Variants in XKR9 observed in about 807,000 individuals in gnomAD.
XKR9 encodes XK-related protein 9.
Under a neutral mutation model 32.0 loss-of-function variants are expected in XKR9, and 32 were observed. The observed-to-expected ratio is 1.00, with a 90% CI of 0.76 to 1.34. The LOEUF is 1.34. Among genes scored for constraint, XKR9 ranks in the 40% most tolerant of loss-of-function variants. The pLI, the probability that XKR9 is intolerant of heterozygous loss-of-function variation, is 0.00. For synonymous variants in XKR9, 168 were observed against 143.4 expected (o/e 1.17, Z -1.22); for missense variants, 546 against 429.7 (o/e 1.27, Z -2.39).
chr8:70,862,915 C>T, the XKR9 span, among the ~76,000 whole-genome samples: 1 of 152,198 alleles, frequency 6.6e-6, no homozygotes, highest in Non-Finnish European at 1.5e-5. Context: ...GGCACTTGAG[C>T]TGAGATCTGG....
the XKR9 span, among the ~76,000 whole-genome samples, chr8:70,813,580 C>G: frequency 6.6e-6 from 1 of 151,912 alleles, no homozygotes; most frequent in African/African-American, 2.4e-5. Context: ...ACAATGAACT[C>G]AAACAAATTT....
chr8:70,926,431 T>C, the XKR9 span, among the ~76,000 whole-genome samples: 2 of 152,264 alleles, frequency 1.3e-5, no homozygotes, highest in East Asian at 3.8e-4. Context: ...TGAGAAGTTC[T>C]GCATTGAAAA....
At chr8:70,778,137 G>C (rs1483508917) in intron 2 of XKR9, among the ~76,000 whole-genome samples, 2 of 152,174 alleles carry the variant, frequency 1.3e-5, no homozygotes, top group Non-Finnish European at 2.9e-5. Context: ...TGTATAAGGT[G>C]TAAGGAAGGG....
At chr8:70,743,728 C>T (rs1807019594) in intron 2 of XKR9, among the ~76,000 whole-genome samples, 2 of 152,124 alleles carry the variant, frequency 1.3e-5, no homozygotes, top group African/African-American at 2.4e-5. Flanking sequence ...TTTTCCACCT[C>T]ATTTTTCAGC....
At position 70,763,390 on chromosome 8, in the gene XKR9, G is replaced by A. The variant is rs73684547; in HGVS notation, n.353-25949G>A. Among the ~76,000 whole-genome samples the A allele has an allele frequency of 9.0e-3, 1,372 of 152,222 alleles. 19 individuals carry two copies. Among genetic ancestry groups the A allele is most frequent in the African/African-American group, 0.031 (1,308 of 41,540 alleles). ...GCTAACTTTTTTCAGATAACTCTAA[G>A]GTGTCTGTGAGTTGATGTTCTGCTG... On this transcript the variant is annotated intron_variant and non_coding_transcript_variant, in intron 2 of 3. Coordinates refer to the XKR9 transcript ENST00000520273.
At chr8:70,802,845 T>C in the XKR9 span, among the ~76,000 whole-genome samples, 1 of 152,230 alleles carries the variant, frequency 6.6e-6, no homozygotes, top group South Asian at 2.1e-4. Flanking sequence ...TGGGCTCCCT[T>C]GTAGGCAGCC....
chr8:70,757,537 A>T (rs1201967358), intron 2 of XKR9, among the ~76,000 whole-genome samples: 1 of 148,798 alleles, frequency 6.7e-6, no homozygotes, highest in Non-Finnish European at 1.5e-5. Context: ...ATCTTTCTTT[A>T]CTTCTTTCAT....
chr8:70,848,839 A>C, the XKR9 span, among the ~76,000 whole-genome samples: 1 of 151,998 alleles, frequency 6.6e-6, no homozygotes, highest in Non-Finnish European at 1.5e-5. Flanking sequence ...AACAAAAACC[A>C]AAAAACACAA....
At chr8:70,673,455 G>A (rs1818783345) in intron 1 of XKR9, among the ~76,000 whole-genome samples, 1 of 152,202 alleles carries the variant, frequency 6.6e-6, no homozygotes, top group South Asian at 2.1e-4. Flanking sequence ...TTTTAGATGA[G>A]ATAAAATTGA....
At chr8:70,891,015 A>G in the XKR9 span, among the ~76,000 whole-genome samples, 19 of 151,930 alleles carry the variant, frequency 1.3e-4, no homozygotes, top group African/African-American at 3.9e-4. Flanking sequence ...TCGTGGTTCA[A>G]TCTTGGCAGT....
the XKR9 span, among the ~76,000 whole-genome samples, chr8:70,899,436 T>G: frequency 2.0e-5 from 3 of 148,548 alleles, no homozygotes; most frequent in African/African-American, 7.8e-5. Context: ...GACAGTTTTT[T>G]TTTTTTTTTT....
chr8:71,015,970 G>A, the XKR9 span, among the ~76,000 whole-genome samples: 3 of 151,890 alleles, frequency 2.0e-5, no homozygotes, highest in Non-Finnish European at 4.4e-5. Flanking sequence ...CCTTTAATAA[G>A]GCAGCCAAAA....
intron 3 of XKR9, among the ~76,000 whole-genome samples, chr8:70,684,006 T>C (rs896998403): frequency 6.6e-6 from 1 of 152,242 alleles, no homozygotes; most frequent in Non-Finnish European, 1.5e-5. Flanking sequence ...CTATTGTTGC[T>C]CTGGAGGAGT....
chr8:70,984,590 C>G, the XKR9 span, among the ~76,000 whole-genome samples: 1 of 152,124 alleles, frequency 6.6e-6, no homozygotes, highest in African/African-American at 2.4e-5. Context: ...AAAGGCCTAG[C>G]TATTTGTTTT....
intron 2 of XKR9, among the ~76,000 whole-genome samples, chr8:70,759,767 C>T (rs1238699060): frequency 6.6e-6 from 1 of 152,078 alleles, no homozygotes; most frequent in East Asian, 1.9e-4. Context: ...ATTTATGAAC[C>T]CATAACTGGG....
chr8:71,011,589 A>C, the XKR9 span, among the ~76,000 whole-genome samples: 1 of 152,232 alleles, frequency 6.6e-6, no homozygotes, highest in Non-Finnish European at 1.5e-5. Context: ...TTTGCTATAA[A>C]AAGTACTGAA....
At chr8:70,845,608 G>C in the XKR9 span, among the ~76,000 whole-genome samples, 1 of 151,956 alleles carries the variant, frequency 6.6e-6, no homozygotes, top group East Asian at 1.9e-4. Context: ...AATAACCAAA[G>C]AGAAATCCTG....
chr8:70,856,121 A>T, the XKR9 span, among the ~76,000 whole-genome samples: 1 of 152,228 alleles, frequency 6.6e-6, no homozygotes, highest in Non-Finnish European at 1.5e-5. Context: ...AAATGCACAC[A>T]TAACAATATA....
chr8:71,063,206 C>T, the XKR9 span, among the ~76,000 whole-genome samples: 7 of 152,124 alleles, frequency 4.6e-5, no homozygotes, highest in African/African-American at 1.7e-4. Context: ...CTAATAGTTT[C>T]CAGAGGCAAG....
Sources: allele counts gnomAD v4.1 joint callset (sites outside exome capture counted in the v4.1 genomes callset), GRCh38; gene constraint gnomAD v4.1.1; transcripts MANE v1.5; gene names NCBI Gene and HGNC (gene_info 2026-07-23, HGNC 2026-07-21).